Variants in ITGA6 observed in about 807,000 individuals in gnomAD.
ITGA6 encodes the protein integrin alpha-6.
A neutral mutation model predicts 133.6 loss-of-function variants in ITGA6; 63 were observed. The ratio of observed to expected loss-of-function variants is 0.47; its 90% CI spans 0.38 to 0.58. The LOEUF (loss-of-function observed/expected upper bound fraction) is 0.58. Among genes scored for constraint, ITGA6 ranks in the 20% least tolerant of loss-of-function variants. The pLI, the probability that ITGA6 is intolerant of heterozygous loss-of-function variation, is 0.00. For missense variants in ITGA6, 1,068 were observed against 1,309.4 expected, an observed-to-expected ratio of 0.82 and a Z score of 2.85; for synonymous variants, 434 against 482.0, an observed-to-expected ratio of 0.90 and a Z score of 1.30.
At chr2:172,466,264 G>A (rs1392712331) in intron 2 of ITGA6, among the ~76,000 whole-genome samples, 1 of 152,126 alleles carries the variant, frequency 6.6e-6, no homozygotes, top group Non-Finnish European at 1.5e-5. Context: ...TGATATGTTC[G>A]GTCTAAGTAG....
In ITGA6 at chr2:172,506,390, T is replaced by C. The variant is rs962663801; in HGVS notation, c.*2322T>C. 1.3e-5 allele frequency: 2 copies of C among 152,200 alleles called. No homozygotes were observed. The highest frequency in any genetic ancestry group is 1.3e-4 in the Admixed American group (2 of 15,262). 9.4% of individuals were successfully genotyped at this position (152,200 alleles called of 1,614,324 possible). On this transcript the variant is annotated 3_prime_UTR_variant, in exon 26 of 26. Transcript: ENST00000684293. ...TTTTTCTGTTTTCGCTCTATGTAGG[T>C]GATCCTCAAGTCTTTCATTTTCCTT... is the stretch of plus-strand genomic sequence containing the variant.
chr2:172,494,479 G>A (rs535343126), intron 23 of ITGA6, among the ~76,000 whole-genome samples: 8 of 152,266 alleles, frequency 5.3e-5, no homozygotes, highest in African/African-American at 9.6e-5. Flanking sequence ...CTACACTCCA[G>A]CCAGGACAAC....
At chr2:172,488,291 G>T in intron 19 of ITGA6, 63 bp downstream of exon 19, 1 of 1,006,616 alleles carries the variant, frequency 9.9e-7, no homozygotes, top group South Asian at 1.3e-5. Context: ...GTATGGTCTT[G>T]AGTATGTCAT....
At chr2:172,453,184 A>G (rs1015123640) in intron 1 of ITGA6, among the ~76,000 whole-genome samples, 2 of 152,298 alleles carry the variant, frequency 1.3e-5, no homozygotes, top group African/African-American at 4.8e-5. Context: ...GTTTAAAACA[A>G]TGCTATGTTA....
At chr2:172,427,496 C>A, upstream of ITGA6, 1 of 1,018,502 alleles carries the variant, frequency 9.8e-7, no homozygotes, top group Non-Finnish European at 1.2e-6. Context: ...TGCGCCGGGC[C>A]GCGGGCGCGC....
chr2:172,438,635 T>C (rs1217083121), intron 1 of ITGA6, among the ~76,000 whole-genome samples: 1 of 151,754 alleles, frequency 6.6e-6, no homozygotes, highest in Non-Finnish European at 1.5e-5. Context: ...ACATTAAAGG[T>C]GAGGATAAAG....
intron 9 of ITGA6, 22 bp from the exon 10 acceptor site, chr2:172,479,619 T>A (rs1465783826): frequency 6.3e-7 from 1 of 1,599,966 alleles, no homozygotes; most frequent in Non-Finnish European, 8.6e-7. Flanking sequence ...CTGAGCTTGT[T>A]TTTCACTCCT....
chr2:172,482,585 G>A (rs746942954), intron 11 of ITGA6, among the ~76,000 whole-genome samples: 1 of 151,992 alleles, frequency 6.6e-6, no homozygotes, highest in Non-Finnish European at 1.5e-5. Context: ...GCAGATAAAC[G>A]GTTTTCCTGC....
intron 1 of ITGA6, among the ~76,000 whole-genome samples, chr2:172,443,895 C>T (rs925527370): frequency 6.6e-6 from 1 of 152,206 alleles, no homozygotes; most frequent in Non-Finnish European, 1.5e-5. Flanking sequence ...CCGCCTCGGC[C>T]TCCCGAGTAC....
At chr2:172,503,853 T>A (rs762087803) in intron 25 of ITGA6, 2 of 309,886 alleles carry the variant, frequency 6.5e-6, no homozygotes, top group Non-Finnish European at 1.2e-5. Flanking sequence ...TGTTATAAAA[T>A]GTAAAGAGAA....
At chr2:172,447,293 C>G (rs1393154169) in intron 1 of ITGA6, among the ~76,000 whole-genome samples, 1 of 152,072 alleles carries the variant, frequency 6.6e-6, no homozygotes, top group Non-Finnish European at 1.5e-5. Context: ...TGATCTCCGC[C>G]TCCCAGGTTC....
intron 1 of ITGA6, among the ~76,000 whole-genome samples, chr2:172,443,103 A>G (rs997461808): frequency 6.6e-6 from 1 of 152,214 alleles, no homozygotes; most frequent in African/African-American, 2.4e-5. Context: ...CCATTGTTTT[A>G]CCAGCTTACT....
intron 11 of ITGA6, chr2:172,480,850 A>G (rs1686412422): frequency 6.6e-6 from 1 of 152,232 alleles, no homozygotes; most frequent in African/African-American, 2.4e-5. Context: ...GGGGCAACAC[A>G]GGATTTTTGA....
At chr2:172,440,803 C>G (rs1442698202) in intron 1 of ITGA6, among the ~76,000 whole-genome samples, 5 of 152,228 alleles carry the variant, frequency 3.3e-5, no homozygotes, top group Admixed American at 1.3e-4. Context: ...AAATGCCTGG[C>G]TATATTAGCT....
At chr2:172,488,288 C>A in intron 19 of ITGA6, 60 bp downstream of exon 19, 1 of 1,007,090 alleles carries the variant, frequency 9.9e-7, no homozygotes, top group Non-Finnish European at 1.6e-6. Context: ...TAGGTATGGT[C>A]TTGAGTATGT....
Position 172,479,933 on chromosome 2 carries a change from G to C in ITGA6, c.1488-57G>C, listed in dbSNP as rs113483686. 442 of 1,240,828 alleles carry C rather than the reference G, an allele frequency of 3.6e-4. 1 individual carries two copies. The African/African-American group carries it at 4.8e-3, about 13-fold the overall frequency. 76.9% of individuals were successfully genotyped at this position (1,240,828 alleles called of 1,614,324 possible). ...GATTGGAGAGCTAGGGAACATGTTG[G>C]GTTTTTTCCACTGCAATAATGGATC... On this transcript the variant is annotated intron_variant, in intron 10 of 25. Coordinates refer to ENST00000684293, the MANE Select transcript of ITGA6 (RefSeq NM_000210.4).
intron 1 of ITGA6, among the ~76,000 whole-genome samples, chr2:172,435,625 T>TTC (rs1559112572): frequency 7.3e-6 from 1 of 136,684 alleles, no homozygotes; most frequent in African/African-American, 2.7e-5. Context: ...TCTTTTTTTT[T>TTC]TTTTTTTTTT....
At chr2:172,440,236 A>C (rs1000746344) in intron 1 of ITGA6, among the ~76,000 whole-genome samples, 1 of 152,240 alleles carries the variant, frequency 6.6e-6, no homozygotes, top group Non-Finnish European at 1.5e-5. Context: ...CATCTTGTTC[A>C]GTTTTGGTTC....
intron 1 of ITGA6, among the ~76,000 whole-genome samples, chr2:172,440,149 A>G (rs1684481518): frequency 6.6e-6 from 1 of 152,208 alleles, no homozygotes; most frequent in African/African-American, 2.4e-5. Flanking sequence ...TCCCGTGCAT[A>G]TGGAAGGCAC....
Sources: gnomAD v4.1 joint callset for allele counts (sites outside exome capture counted in the v4.1 genomes callset) on GRCh38, gnomAD v4.1.1 for gene constraint, MANE v1.5 for transcripts, NCBI Gene and HGNC (gene_info 2026-07-23, HGNC 2026-07-21) for gene names.